The following ASPH variants were observed in gnomAD, a reference collection of about 807,000 sequenced individuals.
ASPH encodes the protein aspartyl/asparaginyl beta-hydroxylase.
In ASPH, 100 loss-of-function variants were observed where a neutral mutation model predicts 118.4. The ratio of observed to expected loss-of-function variants is 0.84; its 90% CI spans 0.72 to 1.00. The LOEUF (loss-of-function observed/expected upper bound fraction) is 1.00. Ranked by LOEUF, ASPH falls within the 50% of genes least tolerant of loss-of-function variation. The probability of loss-of-function intolerance (pLI) is 0.00; values close to 1 mark genes in which losing one functional copy is unlikely to be tolerated. For synonymous variants in ASPH, 315 were observed against 325.6 expected (o/e 0.97, Z 0.35); for missense variants, 920 against 919.5 (o/e 1.00, Z -0.01).
intron 4 of ASPH, among the ~76,000 whole-genome samples, chr8:61,651,592 A>AC (rs1384609138): frequency 6.6e-6 from 1 of 152,162 alleles, no homozygotes; most frequent in Non-Finnish European, 1.5e-5. Flanking sequence ...GAGAAAGGGC[A>AC]CTCCTGCAGG....
chr8:61,689,111 T>A (rs916803219), intron 1 of ASPH, among the ~76,000 whole-genome samples: 2 of 152,164 alleles, frequency 1.3e-5, no homozygotes, highest in African/African-American at 4.8e-5. Flanking sequence ...AGCAAATATA[T>A]ACAAAACATT....
chr8:61,695,297 T>G (rs1262208802), intron 1 of ASPH, among the ~76,000 whole-genome samples: 5 of 152,246 alleles, frequency 3.3e-5, no homozygotes, highest in African/African-American at 1.2e-4. Context: ...CTTTAATGTC[T>G]TAATACTGCT....
At chr8:61,697,904 C>T (rs766122821) in intron 1 of ASPH, among the ~76,000 whole-genome samples, 1 of 152,114 alleles carries the variant, frequency 6.6e-6, no homozygotes, top group Non-Finnish European at 1.5e-5. Context: ...AATCCTCCCA[C>T]CTCAGCCTCC....
At chr8:61,567,938 G>A (rs1017143281) in intron 16 of ASPH, among the ~76,000 whole-genome samples, 4 of 152,126 alleles carry the variant, frequency 2.6e-5, no homozygotes, top group Non-Finnish European at 5.9e-5. Flanking sequence ...AGAAGAGAGG[G>A]AGCAAATTAT....
intron 22 of ASPH, among the ~76,000 whole-genome samples, chr8:61,524,893 A>G (rs956141503): frequency 8.5e-5 from 13 of 152,202 alleles, no homozygotes; most frequent in African/African-American, 3.1e-4. Flanking sequence ...AGGTGAACAC[A>G]TAAGTGCCAA....
intron 18 of ASPH, among the ~76,000 whole-genome samples, chr8:61,556,695 A>C (rs1827997924): frequency 6.6e-6 from 1 of 152,254 alleles, no homozygotes; most frequent in African/African-American, 2.4e-5. Flanking sequence ...AAATATTAAT[A>C]GTGAGAAACC....
At chr8:61,622,231 G>A (rs1878412) in intron 13 of ASPH, among the ~76,000 whole-genome samples, 21,971 of 152,122 alleles carry the variant, frequency 0.14, 1,625 homozygotes, top group African/African-American at 0.19. Flanking sequence ...CCAGCTACTC[G>A]GTAGGCTGAG....
intron 22 of ASPH, among the ~76,000 whole-genome samples, chr8:61,523,477 A>G (rs1029544523): frequency 6.6e-6 from 1 of 151,788 alleles, no homozygotes; most frequent in Non-Finnish European, 1.5e-5. Flanking sequence ...CACTATGCCC[A>G]GCTAATTTTT....
At chr8:61,637,708 T>C (rs1858472546) in intron 12 of ASPH, among the ~76,000 whole-genome samples, 1 of 152,154 alleles carries the variant, frequency 6.6e-6, no homozygotes, top group Admixed American at 6.5e-5. Context: ...GCTGTTACAG[T>C]AGCCTGTTTT....
intron 24 of ASPH, among the ~76,000 whole-genome samples, chr8:61,505,622 G>A (rs973783167): frequency 1.3e-5 from 2 of 152,002 alleles, no homozygotes; most frequent in Non-Finnish European, 2.9e-5. Flanking sequence ...GTCTTTATCA[G>A]CTGCATGAAA....
intron 13 of ASPH, among the ~76,000 whole-genome samples, chr8:61,629,330 T>G (rs1190811158): frequency 6.6e-6 from 1 of 152,188 alleles, no homozygotes. Context: ...TGAGAGGAAA[T>G]TTTACTCCAA....
intron 17 of ASPH, 95 bp from the exon 18 acceptor site, chr8:61,562,975 G>T: frequency 1.6e-6 from 2 of 1,256,554 alleles, no homozygotes; most frequent in Non-Finnish European, 2.1e-6. Context: ...ATTCACCAGA[G>T]CCTGAGAACC....
chr8:61,671,142 G>A (rs1588993315), intron 3 of ASPH, among the ~76,000 whole-genome samples: 1 of 152,176 alleles, frequency 6.6e-6, no homozygotes, highest in Non-Finnish European at 1.5e-5. Context: ...GCGGGCATTA[G>A]AGAAGTGGAC....
intron 16 of ASPH, among the ~76,000 whole-genome samples, chr8:61,568,945 G>A (rs542885933): frequency 2.6e-5 from 4 of 152,304 alleles, no homozygotes; most frequent in Non-Finnish European, 5.9e-5. Context: ...ATGGGACATA[G>A]TACAGCATGC....
intron 3 of ASPH, among the ~76,000 whole-genome samples, chr8:61,676,594 G>C (rs1825516693): frequency 6.6e-6 from 1 of 151,968 alleles, no homozygotes; most frequent in Non-Finnish European, 1.5e-5. Context: ...TGAGTTGAAA[G>C]ACAAAATTTT....
intron 21 of ASPH, among the ~76,000 whole-genome samples, chr8:61,537,005 G>C (rs1819880613): frequency 6.6e-6 from 1 of 152,178 alleles, no homozygotes; most frequent in South Asian, 2.1e-4. Flanking sequence ...GTTCTAGTGA[G>C]TGAGAGAAAA....
chr8:61,638,372 A>T lies in ASPH; in HGVS notation c.791-9T>A, dbSNP rs1367719785. 1 of 1,571,014 alleles carries T rather than the reference A, an allele frequency of 6.4e-7. No homozygotes were observed. On this transcript the variant is annotated splice_polypyrimidine_tract_variant and intron_variant, in intron 10 of 24. Transcript: ENST00000379454. ...TAGAGGTTCATATACTGCTAAAAAA[A>T]AAAAAACAGAAACAAAATCCCGTAA...
At chr8:61,707,205 C>G (rs1347253730) in intron 1 of ASPH, among the ~76,000 whole-genome samples, 3 of 151,536 alleles carry the variant, frequency 2.0e-5, no homozygotes, top group Admixed American at 6.6e-5. Context: ...TAGGAGAAGT[C>G]CTTTATCAAA....
In ASPH at chr8:61,509,392, T is replaced by C. The variant is rs1807928524; in HGVS notation, c.2127-5883A>G. ...GAATGGATTATTCATGTCTCCCATT[T>C]TTAGATCACATAGGGTAATCTCCTG... On this transcript the variant is annotated intron_variant, in intron 24 of 24. Transcript: ENST00000379454. Among the ~76,000 whole-genome samples, 4 of 152,246 alleles carry C rather than the reference T, an allele frequency of 2.6e-5. 1 individual carries two copies. The highest frequency in any genetic ancestry group is 2.6e-4 in the Admixed American group (4 of 15,290).
Sources: allele counts gnomAD v4.1 joint callset (sites outside exome capture counted in the v4.1 genomes callset), GRCh38; gene constraint gnomAD v4.1.1; transcripts MANE v1.5; gene names NCBI Gene and HGNC (gene_info 2026-07-23, HGNC 2026-07-21).